KCNH2: variants seen among roughly 807,000 people sequenced by gnomAD.
KCNH2 encodes the protein voltage-gated inwardly rectifying potassium channel KCNH2.
A neutral mutation model predicts 95.9 loss-of-function variants in KCNH2; 35 were observed. The ratio of observed to expected loss-of-function variants is 0.37; its 90% CI spans 0.28 to 0.48. KCNH2 has a LOEUF of 0.48. KCNH2 is among the 20% of genes least tolerant of loss of function. The pLI, the probability that KCNH2 is intolerant of heterozygous loss-of-function variation, is 0.99. For missense variants in KCNH2, 1,274 were observed against 1,702.9 expected (o/e 0.75, Z 4.43); for synonymous variants, 786 against 754.7 (o/e 1.04, Z -0.68).
chr7:150,962,018 G>C lies in KCNH2; in HGVS notation c.308-2282C>G, dbSNP rs896545373. Among the ~76,000 whole-genome samples the C allele has an allele frequency of 6.6e-6, 1 of 152,160 alleles. No homozygotes were observed. The highest frequency in any genetic ancestry group is 6.5e-5 in the Admixed American group (1 of 15,278). Reference sequence around the variant, plus strand: ...ATCCCAGACCCTCACAGCCCCGCCCGAGGGCCCTGAGCTCTGGGGCTCTGT... The same window carrying C: ...ATCCCAGACCCTCACAGCCCCGCCCCAGGGCCCTGAGCTCTGGGGCTCTGT... On this transcript the variant is annotated intron_variant, in intron 2 of 14. Transcript: ENST00000262186. The surrounding 1 kb of genome is among the most constrained non-coding windows in gnomAD (Gnocchi z 5.7).
rs964978894 is a variant in KCNH2 at position 150,962,647 on chromosome 7, G to GAGAGAGAGAC, written c.308-2912_308-2911insGTCTCTCTCT. ...AGAGACAGAGAGAGAGAGAGAGAGA[G>GAGAGAGAGAC]AGAGAGGAGTGACTGCTGGCCCTCT... is the stretch of plus-strand genomic sequence containing the variant. On this transcript the variant is annotated intron_variant, in intron 2 of 14. Transcript: ENST00000262186. This position sits in a 1 kb window ranked among gnomAD's most constrained non-coding sequence, Gnocchi z 5.7. Among the ~76,000 whole-genome samples, 6 of 151,968 alleles carry GAGAGAGAGAC rather than the reference G, an allele frequency of 3.9e-5. No homozygotes were observed. The highest frequency in any genetic ancestry group is 1.5e-4 in the African/African-American group (6 of 41,360).
In KCNH2 at chr7:150,945,166, G is replaced by T; in HGVS notation, c.*199C>A. The T allele has an allele frequency of 1.6e-6, 1 of 634,056 alleles. No homozygotes were observed. Among genetic ancestry groups the T allele is most frequent in the Non-Finnish European group, 2.7e-6 (1 of 372,684 alleles). 39.3% of individuals were successfully genotyped at this position (634,056 alleles called of 1,614,324 possible). A position where few individuals can be genotyped will look rare whatever the true frequency, so the allele number is the denominator to read the frequency against. ...GGGGGGACCACAGGCCCCACCTACT[G>T]CCGGCCCTGCCCCTGCCCCTCTCAC... On this transcript the variant is annotated 3_prime_UTR_variant, in exon 15 of 15. Coordinates refer to ENST00000262186, the MANE Select transcript of KCNH2 (RefSeq NM_000238.4). This position sits in a 1 kb window ranked among gnomAD's most constrained non-coding sequence, Gnocchi z 5.6.
At chr7:150,957,684 G>T (rs1801423090) in intron 4 of KCNH2, among the ~76,000 whole-genome samples, 182 bp from the exon 5 acceptor site, 1 of 152,224 alleles carries the variant, frequency 6.6e-6, no homozygotes, top group African/African-American at 2.4e-5. Flanking sequence ...TAAGGAAGCA[G>T]CCAGGAGACA....
chr7:150,955,954 G>T, intron 5 of KCNH2: 1 of 565,900 alleles, frequency 1.8e-6, no homozygotes, highest in Non-Finnish European at 2.2e-6. Context: ...CCCGCAGCCT[G>T]AGCCCCTCCC....
chr7:150,954,344 G>C (rs1584859248), intron 5 of KCNH2, among the ~76,000 whole-genome samples: 2 of 152,160 alleles, frequency 1.3e-5, no homozygotes, highest in East Asian at 3.9e-4. Flanking sequence ...CCTGGACAGG[G>C]CTCTTCTCTG....
chr7:150,967,996 G>A (rs116668007), intron 2 of KCNH2, among the ~76,000 whole-genome samples: 1,549 of 152,298 alleles, frequency 0.01, 27 homozygotes, highest in African/African-American at 0.036. Context: ...GGCAATTCAC[G>A]GGAAAGTAAG....
In KCNH2 at chr7:150,952,903, G is replaced by C; in HGVS notation, c.1129-50C>G. The C allele has an allele frequency of 3.8e-6, 6 of 1,568,834 alleles. No homozygotes were observed. The South Asian group carries it at 6.7e-5, about 17-fold the overall frequency. On this transcript the variant is annotated intron_variant, in intron 5 of 14. Transcript: ENST00000262186. This position sits in a 1 kb window ranked among gnomAD's most constrained non-coding sequence, Gnocchi z 7.3. ...TGGGTGAGGCAGGCCATGGGACCTCGGGGGCAGGAGCGATGACATCTCTGC... is the reference window on the plus strand; with the variant it reads ...TGGGTGAGGCAGGCCATGGGACCTCCGGGGCAGGAGCGATGACATCTCTGC...
intron 2 of KCNH2, among the ~76,000 whole-genome samples, chr7:150,965,849 C>A (rs1433437823): frequency 6.6e-6 from 1 of 152,166 alleles, no homozygotes; most frequent in Non-Finnish European, 1.5e-5. Context: ...TGGGGACAGG[C>A]CATGTCCCCA....
In KCNH2 at chr7:150,947,051, C is replaced by T. The variant is rs1400043363; in HGVS notation, c.3156G>A (p.Leu1052=). ...CCATGTCTGCACTCAGCCGGGTCTC[C>T]AGCCTGGGGCAGGAAGTGGGGGATG... is the stretch of plus-strand genomic sequence containing the variant. ...LDALQRQLNR[L]ETRLSADMAT... The change falls in exon 14 of 15, where the codon CTG becomes CTA. Residue 1052 remains leucine, a synonymous_variant. Coordinates refer to ENST00000262186, the MANE Select transcript of KCNH2 (RefSeq NM_000238.4). The T allele has an allele frequency of 6.3e-7, 1 of 1,593,428 alleles. No homozygotes were observed. The highest frequency in any genetic ancestry group is 8.6e-7 in the Non-Finnish European group (1 of 1,168,050).
intron 1 of KCNH2, among the ~76,000 whole-genome samples, chr7:150,977,541 A>G (rs1802006521): frequency 1.3e-5 from 2 of 151,306 alleles, no homozygotes; most frequent in Admixed American, 1.3e-4. Flanking sequence ...ACACCTGCAC[A>G]CTCCATCCCA....
rs55686454 is a variant in KCNH2, at chr7:150,973,300, C to T, written c.307+1411G>A. 6.2e-3 allele frequency among the ~76,000 whole-genome samples: 938 copies of T among 152,292 alleles called. 3 individuals carry two copies. The highest frequency in any genetic ancestry group is 0.01 in the Middle Eastern group (3 of 294). On this transcript the variant is annotated intron_variant, in intron 2 of 14. Coordinates refer to ENST00000262186, the MANE Select transcript of KCNH2 (RefSeq NM_000238.4). ...TCAATATATGACAGACAGAACAGAG[C>T]GCACAGGGCTCCGGTCAGACAGATG...
intron 8 of KCNH2, 74 bp from the exon 9 acceptor site, chr7:150,950,494 C>T (rs1373229714): frequency 1.3e-6 from 2 of 1,563,194 alleles, no homozygotes; most frequent in African/African-American, 1.4e-5. Context: ...TCCACCATCC[C>T]ACCCCTCCAT....
rs1186634113 is a variant in KCNH2 at position 150,945,590 on chromosome 7, C to A, written c.3331-76G>T. On this transcript the variant is annotated intron_variant, in intron 14 of 14. Transcript: ENST00000262186. This position sits in a 1 kb window ranked among gnomAD's most constrained non-coding sequence, Gnocchi z 5.6. ...AAGGGGAGGGAAAGGGGCAGGAGAACCCGGGGACAGAGGATGGACGGGAGG... is the reference window on the plus strand; with the variant it reads ...AAGGGGAGGGAAAGGGGCAGGAGAAACCGGGGACAGAGGATGGACGGGAGG... 4.8e-6 allele frequency: 7 copies of A among 1,457,348 alleles called. No individual in the cohort carries two copies. Among genetic ancestry groups the A allele is most frequent in the South Asian group, 1.2e-5 (1 of 82,254 alleles). The allele number at this position is 1,457,348 out of a possible 1,614,324, so 90.3% of individuals were successfully genotyped here.
chr7:150,950,222 T>C lies in KCNH2; in HGVS notation c.2344A>G (p.Ile782Val). 1 of 1,579,094 alleles carries C rather than the reference T, an allele frequency of 6.3e-7. No homozygotes were observed. The highest frequency in any genetic ancestry group is 8.6e-7 in the Non-Finnish European group (1 of 1,159,478). Residue 782 changes from isoleucine to valine, a missense_variant, in exon 9 of 15, where the codon ATC (isoleucine) becomes GTC (valine). Around this residue, in one of 7 missense-constraint regions of KCNH2, gnomAD observed 159 missense variants for 282.5 expected, o/e 0.56. Coordinates refer to ENST00000262186, the MANE Select transcript of KCNH2 (RefSeq NM_000238.4). The stretch of plus-strand genomic sequence containing the variant: ...AGGATCTCGATGGAGCCCCGGGAGA[T>C]GAAGTACAGGGCGGTGAGCAGGTCC... The part of the protein sequence containing the change: ...AGDLLTALYF[I>V]SRGSIEILRG...
chr7:150,950,089 G>A (rs763446981), intron 9 of KCNH2, 79 bp downstream of exon 9: 3 of 1,613,060 alleles, frequency 1.9e-6, no homozygotes, highest in Non-Finnish European at 2.5e-6. Context: ...CAGCCCCAGT[G>A]ACTGCATATT....
intron 2 of KCNH2, among the ~76,000 whole-genome samples, chr7:150,964,304 C>T (rs1013097356): frequency 6.6e-6 from 1 of 152,204 alleles, no homozygotes. Flanking sequence ...TCCGTGCCTG[C>T]GAAGTGTTGA....
In KCNH2 at chr7:150,955,991, C is replaced by T. The variant is rs903896725; in HGVS notation, c.1128+1300G>A. 2.9e-5 allele frequency: 9 copies of T among 305,592 alleles called. No individual in the cohort carries two copies. In the Admixed American group the frequency reaches 4.5e-4, roughly 15 times the overall value. The allele number at this position is 305,592 out of a possible 1,614,324, so 18.9% of individuals were successfully genotyped here. On this transcript the variant is annotated intron_variant, in intron 5 of 14. Transcript: ENST00000262186. ...CTCCGCCAGCAGCCGGGCCTGTCACCGCAGATTAATGGTCTCCCTGACACC... is the reference window on the plus strand; with the variant it reads ...CTCCGCCAGCAGCCGGGCCTGTCACTGCAGATTAATGGTCTCCCTGACACC...
At chr7:150,947,960 A>C in intron 11 of KCNH2, 82 bp from the exon 12 acceptor site, 3 of 1,434,810 alleles carry the variant, frequency 2.1e-6, no homozygotes, top group Non-Finnish European at 2.8e-6. Context: ...GACAGGAGCG[A>C]GCCCGAGAGA....
In KCNH2 at chr7:150,947,485, T is replaced by A; in HGVS notation, c.2995A>T (p.Ser999Cys). Residue 999 changes from serine (S) to cysteine (C), a missense_variant, in exon 13 of 15, where the codon AGC (serine) becomes TGC (cysteine). Around this residue, in one of 7 missense-constraint regions of KCNH2, gnomAD observed 457 missense variants for 416.1 expected, o/e 1.10. Coordinates refer to ENST00000262186, the MANE Select transcript of KCNH2 (RefSeq NM_000238.4). ...CGGCCCCGACTGTCCCCCCAGAAGC[T>A]GAAAATGTTGGACACTCCTGAGAAG... ...GAFSGVSNIFSFWGDSRGRQY... is the reference protein window; with the variant it reads ...GAFSGVSNIFCFWGDSRGRQY... The A allele has an allele frequency of 1.3e-6, 2 of 1,584,316 alleles. No individual in the cohort carries two copies. Among genetic ancestry groups the A allele is most frequent in the Non-Finnish European group, 1.7e-6 (2 of 1,166,302 alleles).
Sources: gnomAD v4.1 joint callset for allele counts (sites outside exome capture counted in the v4.1 genomes callset) on GRCh38, gnomAD v4.1.1 for gene constraint, gnomAD v4.1.1 regional missense constraint, Gnocchi (gnomAD v3.1) non-coding constraint, MANE v1.5 for transcripts, NCBI Gene and HGNC (gene_info 2026-07-23, HGNC 2026-07-21) for gene names.